Variants in TACC2 observed in about 807,000 individuals in gnomAD.
TACC2 encodes the protein transforming acidic coiled-coil-containing protein 2.
A neutral mutation model predicts 227.3 loss-of-function variants in TACC2; 137 were observed. The observed-to-expected ratio is 0.60, with a 90% confidence interval of 0.52 to 0.69. The LOEUF (loss-of-function observed/expected upper bound fraction) is 0.69, where lower values mean the gene tolerates loss of function less well. Ranked by LOEUF, TACC2 falls within the 30% of genes least tolerant of loss-of-function variation. TACC2 has a pLI of 0.00. For missense variants in TACC2, 3,470 were observed against 3,694.4 expected, an observed-to-expected ratio of 0.94 and a Z score of 1.57; for synonymous variants, 1,523 against 1,487.5, an observed-to-expected ratio of 1.02 and a Z score of -0.55.
At chr10:122,230,996 T>G (rs1281338290) in intron 16 of TACC2, among the ~76,000 whole-genome samples, 1 of 152,234 alleles carries the variant, frequency 6.6e-6, no homozygotes, top group Non-Finnish European at 1.5e-5. Context: ...TGATAAGTAT[T>G]TCCAGCCTTG....
intron 3 of TACC2, among the ~76,000 whole-genome samples, chr10:122,056,964 G>A (rs1423778079): frequency 3.9e-5 from 6 of 152,300 alleles, no homozygotes; most frequent in Non-Finnish European, 5.9e-5. Context: ...GGCCAAGGCC[G>A]GTGGATCATG....
chr10:122,224,210 C>T (rs1245622231), intron 11 of TACC2, among the ~76,000 whole-genome samples: 3 of 152,212 alleles, frequency 2.0e-5, no homozygotes, highest in African/African-American at 7.2e-5. Flanking sequence ...AGGTGACTTA[C>T]AAAGCTTCTC....
intron 1 of TACC2, among the ~76,000 whole-genome samples, chr10:122,012,713 T>A (rs1956102272): frequency 8.0e-6 from 1 of 124,410 alleles, no homozygotes; most frequent in Non-Finnish European, 1.7e-5. Flanking sequence ...AAGTTGAAAT[T>A]ATTAAAATTT....
Position 122,210,771 on chromosome 10 carries a change from G to T in TACC2, c.6346G>T (p.Gly2116Cys). 1 of 1,613,854 alleles carries T rather than the reference G, an allele frequency of 6.2e-7. No homozygotes were observed. Among genetic ancestry groups the T allele is most frequent in the Non-Finnish European group, 8.5e-7 (1 of 1,180,008 alleles). The change falls in exon 9 of 23, where the codon GGT becomes TGT. Residue 2116 changes from glycine to cysteine, a missense_variant. Physicochemically the swap from Gly to Cys is radical, Grantham distance 159. This residue lies in a region of TACC2 where 593 missense variants were observed against 636.6 expected (regional missense o/e 0.93). Coordinates refer to ENST00000369005, the MANE Select transcript of TACC2 (RefSeq NM_206862.4). The surrounding 1 kb of genome is among the most constrained non-coding windows in gnomAD (Gnocchi z 4.6). ...CCTTGCCCCAGATGCATATAGCACG[G>T]GTTCCAGCAGTGCTTCTAGTACCCT... ...VALAPDAYST[G>C]SSSASSTLKR...
chr10:122,181,436 G>A (rs1003472122), intron 7 of TACC2, among the ~76,000 whole-genome samples: 1 of 152,192 alleles, frequency 6.6e-6, no homozygotes, highest in Non-Finnish European at 1.5e-5. Flanking sequence ...GAGGACTGGA[G>A]CCAGTAAATA....
intron 3 of TACC2, among the ~76,000 whole-genome samples, chr10:122,061,417 G>A (rs1014256020): frequency 2.0e-5 from 3 of 152,114 alleles, no homozygotes; most frequent in Non-Finnish European, 2.9e-5. Context: ...TGTCTGCCGA[G>A]TTCCACGGCC....
In TACC2 at chr10:122,210,573, C is replaced by A. The variant is rs1442703845; in HGVS notation, c.6148C>A (p.Gln2050Lys). 1 of 1,614,128 alleles carries A rather than the reference C, an allele frequency of 6.2e-7. No individual in the cohort carries two copies. Among genetic ancestry groups the A allele is most frequent in the Non-Finnish European group, 8.5e-7 (1 of 1,180,020 alleles). Reference protein sequence around the residue: ...FDNIELVDTFQTLEPRASDAK... With the variant: ...FDNIELVDTFKTLEPRASDAK... Reference sequence around the variant, plus strand: ...CAACATTGAGCTTGTGGATACCTTTCAGACCTTGGAGCCTCGTGCCTCAGA... The same window carrying A: ...CAACATTGAGCTTGTGGATACCTTTAAGACCTTGGAGCCTCGTGCCTCAGA... The change falls in exon 9 of 23, where the codon CAG (glutamine) becomes AAG (lysine). Residue 2050 changes from glutamine (Q) to lysine (K), a missense_variant. This residue lies in a region of TACC2 where 593 missense variants were observed against 636.6 expected (regional missense o/e 0.93). Coordinates refer to ENST00000369005, the MANE Select transcript of TACC2 (RefSeq NM_206862.4). The surrounding 1 kb of genome is among the most constrained non-coding windows in gnomAD (Gnocchi z 4.6).
intron 11 of TACC2, among the ~76,000 whole-genome samples, chr10:122,220,335 A>G (rs1426341404): frequency 6.6e-6 from 1 of 152,206 alleles, no homozygotes; most frequent in East Asian, 1.9e-4. Context: ...GTTTGGAACA[A>G]AACTTGGTTA....
rs150741949 is a variant in TACC2 at position 122,150,742 on chromosome 10, A to T, written c.5834+7036A>T. Among the ~76,000 whole-genome samples the T allele has an allele frequency of 5.1e-4, 77 of 152,272 alleles. No individual in the cohort carries two copies. Among genetic ancestry groups the T allele is most frequent in the Middle Eastern group, 3.4e-3 (1 of 294 alleles). On this transcript the variant is annotated intron_variant, in intron 7 of 22. Coordinates refer to ENST00000369005, the MANE Select transcript of TACC2 (RefSeq NM_206862.4). The surrounding 1 kb of genome is among the most constrained non-coding windows in gnomAD (Gnocchi z 4.0). ...GTGTTGATGAGCCAGTTTCTTTAAT[A>T]CTTCGCTGTCAGGAGAAGGACCTGC...
At chr10:122,137,067 A>G (rs1041128243) in intron 6 of TACC2, among the ~76,000 whole-genome samples, 4 of 151,984 alleles carry the variant, frequency 2.6e-5, no homozygotes, top group Admixed American at 2.0e-4. Flanking sequence ...TTTCTCAAAT[A>G]AAATGAAAGG....
At chr10:122,114,982 C>G (rs1448273138) in intron 5 of TACC2, among the ~76,000 whole-genome samples, 1 of 152,350 alleles carries the variant, frequency 6.6e-6, no homozygotes, top group East Asian at 1.9e-4. Flanking sequence ...AAGAGAGACT[C>G]AAAGAAGTCC....
At chr10:122,226,646 C>T (rs2095635414) in intron 13 of TACC2, among the ~76,000 whole-genome samples, 165 bp downstream of exon 13, 1 of 151,828 alleles carries the variant, frequency 6.6e-6, no homozygotes, top group African/African-American at 2.4e-5. Context: ...ACCATGATGC[C>T]CAGGCTGGTT....
chr10:122,089,767 A>C (rs1404248953), intron 5 of TACC2, among the ~76,000 whole-genome samples: 1 of 151,800 alleles, frequency 6.6e-6, no homozygotes, highest in Non-Finnish European at 1.5e-5. Flanking sequence ...TATTTTGCAC[A>C]TTCAGAAAGA....
chr10:122,244,420 GGT>G (rs563164315), intron 19 of TACC2, among the ~76,000 whole-genome samples: 101 of 152,230 alleles, frequency 6.6e-4, no homozygotes, highest in African/African-American at 2.3e-3. Context: ...TTTTTCATCA[GGT>G]GACAGGCCTG....
In TACC2 at chr10:122,085,609, A is replaced by G; in HGVS notation, c.3109A>G (p.Ser1037Gly). 1.9e-6 allele frequency: 3 copies of G among 1,613,370 alleles called. No individual in the cohort carries two copies. Among genetic ancestry groups the G allele is most frequent in the Non-Finnish European group, 1.7e-6 (2 of 1,180,042 alleles). Residue 1037 changes from serine to glycine, a missense_variant, in exon 4 of 23, where the codon AGT becomes GGT. By Grantham distance (56) the Ser-to-Gly change is moderately conservative (BLOSUM62 0). Coordinates refer to ENST00000369005, the MANE Select transcript of TACC2 (RefSeq NM_206862.4). ...GGGCTTGAGTAAGAGGGAGATGGCA[A>G]GTGGAAACACAGGGGAGGCCCCACC... is the stretch of plus-strand genomic sequence containing the variant. ...LWGLSKREMA[S>G]GNTGEAPPCQ...
intron 13 of TACC2, among the ~76,000 whole-genome samples, chr10:122,226,793 G>A (rs2095638210): frequency 6.6e-6 from 1 of 152,126 alleles, no homozygotes; most frequent in South Asian, 2.1e-4. Context: ...CATTGGTTTT[G>A]TTACTGGCTA....
At position 122,085,960 on chromosome 10, in the gene TACC2, A is replaced by G; in HGVS notation, c.3460A>G (p.Thr1154Ala). 1.9e-6 allele frequency: 3 copies of G among 1,613,890 alleles called. No homozygotes were observed. The highest frequency in any genetic ancestry group is 2.5e-6 in the Non-Finnish European group (3 of 1,179,940). Residue 1154 changes from threonine (T) to alanine (A), a missense_variant, in exon 4 of 23, where the codon ACT (threonine) becomes GCT (alanine). Around this residue, in one of 10 missense-constraint regions of TACC2, gnomAD observed 1,924 missense variants for 1,978.3 expected, o/e 0.97. Coordinates refer to ENST00000369005, the MANE Select transcript of TACC2 (RefSeq NM_206862.4). ...GGCTCCGGAGAAACCTGGAGAAGCT[A>G]CTTTGAGTTGTGGCCTCCTTCAGAC... Reference protein sequence around the residue: ...QQAPEKPGEATLSCGLLQTEH... With the variant: ...QQAPEKPGEAALSCGLLQTEH...
At chr10:122,203,042 G>C (rs1018782798) in intron 8 of TACC2, among the ~76,000 whole-genome samples, 1 of 152,010 alleles carries the variant, frequency 6.6e-6, no homozygotes, top group African/African-American at 2.4e-5. Context: ...AAAATGAAAA[G>C]TCTCCCATGT....
At chr10:122,175,783 G>T (rs1351573212) in intron 7 of TACC2, among the ~76,000 whole-genome samples, 3 of 152,144 alleles carry the variant, frequency 2.0e-5, no homozygotes, top group Non-Finnish European at 2.9e-5. Context: ...ATTAGAAAAT[G>T]GGCCGGGTAC....
Sources: allele counts gnomAD v4.1 joint callset (sites outside exome capture counted in the v4.1 genomes callset), GRCh38; gene constraint gnomAD v4.1.1; regional missense constraint gnomAD v4.1.1; non-coding constraint Gnocchi (gnomAD v3.1); transcripts MANE v1.5; gene names NCBI Gene and HGNC (gene_info 2026-07-23, HGNC 2026-07-21).